TSPAN9: variants seen among roughly 807,000 people sequenced by gnomAD.
TSPAN9 encodes the protein tetraspanin 9.
TSPAN9 carries 16 observed loss-of-function variants against 31.0 expected under a neutral mutation model. The observed-to-expected ratio is 0.52, with a 90% CI of 0.35 to 0.78. The LOEUF is 0.78. Ranked by LOEUF, TSPAN9 falls within the 30% of genes least tolerant of loss-of-function variation. The probability of loss-of-function intolerance (pLI) is 0.01; values close to 1 mark genes in which losing one functional copy is unlikely to be tolerated. For synonymous variants in TSPAN9, 145 were observed against 121.6 expected (o/e 1.19, Z -1.27); for missense variants, 272 against 312.5 (o/e 0.87, Z 0.98).
intron 3 of TSPAN9, among the ~76,000 whole-genome samples, chr12:3,203,976 C>T: frequency 6.6e-6 from 1 of 152,108 alleles, no homozygotes. Flanking sequence ...ACATCAAAGG[C>T]AGGTGGGGTG....
At chr12:3,101,214 GT>G (rs1487084822) in intron 2 of TSPAN9, among the ~76,000 whole-genome samples, 1 of 152,194 alleles carries the variant, frequency 6.6e-6, no homozygotes, top group Non-Finnish European at 1.5e-5. Context: ...TCCAACATGT[GT>G]AGGATTGAGG....
chr12:3,258,915 C>T (rs1012426133), intron 3 of TSPAN9, among the ~76,000 whole-genome samples: 1 of 152,134 alleles, frequency 6.6e-6, no homozygotes, highest in Non-Finnish European at 1.5e-5. Context: ...AGGTGGGATC[C>T]TGAGATGAGA....
Position 3,160,193 on chromosome 12 carries a change from G to A in TSPAN9, c.-17-40984G>A, listed in dbSNP as rs182145294. Among the ~76,000 whole-genome samples the A allele has an allele frequency of 2.0e-5, 3 of 152,288 alleles. No individual in the cohort carries two copies. The East Asian group carries it at 5.8e-4, about 29-fold the overall frequency. The stretch of plus-strand genomic sequence containing the variant: ...TTTTAAATGGAATCATGTAATACGG[G>A]TTTTGATTTTTTTGTGATTGGCTTC... On this transcript the variant is annotated intron_variant, in intron 2 of 8. Coordinates refer to ENST00000011898, the MANE Select transcript of TSPAN9 (RefSeq NM_006675.5).
chr12:3,252,319 G>A (rs190214830), intron 3 of TSPAN9, among the ~76,000 whole-genome samples: 5 of 152,330 alleles, frequency 3.3e-5, no homozygotes, highest in Admixed American at 1.3e-4. Flanking sequence ...CTGGAATGGC[G>A]TTTAGAGGGT....
chr12:3,254,268 C>T (rs1862306195), intron 3 of TSPAN9, among the ~76,000 whole-genome samples: 1 of 152,202 alleles, frequency 6.6e-6, no homozygotes, highest in Non-Finnish European at 1.5e-5. Context: ...ACTCCAGCTT[C>T]TTTTCTGACC....
At chr12:3,220,751 G>T (rs1180647334) in intron 3 of TSPAN9, among the ~76,000 whole-genome samples, 1 of 151,910 alleles carries the variant, frequency 6.6e-6, no homozygotes, top group Non-Finnish European at 1.5e-5. Context: ...CTGTGCTGCC[G>T]GGGAAGAGTG....
chr12:3,198,866 C>T (rs368846276), intron 2 of TSPAN9, among the ~76,000 whole-genome samples: 49 of 132,346 alleles, frequency 3.7e-4, no homozygotes, highest in South Asian at 4.8e-4. Context: ...CCAGCACAGG[C>T]CACCACCAGC....
At chr12:3,085,486 C>T (rs928563409) in intron 2 of TSPAN9, among the ~76,000 whole-genome samples, 1 of 151,608 alleles carries the variant, frequency 6.6e-6, no homozygotes, top group Non-Finnish European at 1.5e-5. Context: ...GCAGACAGGA[C>T]GTTGATCCTC....
At chr12:3,091,477 C>T (rs2098304566) in intron 2 of TSPAN9, among the ~76,000 whole-genome samples, 1 of 152,214 alleles carries the variant, frequency 6.6e-6, no homozygotes, top group South Asian at 2.1e-4. Flanking sequence ...ATTAATGCAT[C>T]CCCAAACCCC....
chr12:3,171,123 C>T (rs545612978), intron 2 of TSPAN9, among the ~76,000 whole-genome samples: 4 of 152,278 alleles, frequency 2.6e-5, no homozygotes, highest in Admixed American at 6.5e-5. Flanking sequence ...CCTGTCCCGA[C>T]GCGCGCCGAG....
intron 2 of TSPAN9, among the ~76,000 whole-genome samples, chr12:3,089,507 G>T (rs1055304810): frequency 2.0e-5 from 3 of 151,804 alleles, no homozygotes; most frequent in Admixed American, 6.6e-5. Flanking sequence ...GTGTTGGCCA[G>T]GGTGGTCTCG....
intron 2 of TSPAN9, among the ~76,000 whole-genome samples, chr12:3,160,052 CCCCATA>C (rs553752227): frequency 2.8e-4 from 43 of 152,202 alleles, no homozygotes; most frequent in Non-Finnish European, 5.0e-4. Flanking sequence ...CAGAAAGAAA[CCCCATA>C]CCCACTGGAA....
At chr12:3,148,781 C>T (rs928870304) in intron 2 of TSPAN9, among the ~76,000 whole-genome samples, 6 of 152,200 alleles carry the variant, frequency 3.9e-5, no homozygotes, top group East Asian at 1.9e-4. Flanking sequence ...GCTGCCCAGG[C>T]GGGGGAGGGA....
intron 3 of TSPAN9, among the ~76,000 whole-genome samples, chr12:3,213,881 A>G (rs1479689436): frequency 6.6e-6 from 1 of 152,172 alleles, no homozygotes; most frequent in African/African-American, 2.4e-5. Flanking sequence ...AGCCTGCGGG[A>G]TCCTGGGGTG....
At chr12:3,258,725 A>G (rs918984207) in intron 3 of TSPAN9, among the ~76,000 whole-genome samples, 3 of 152,168 alleles carry the variant, frequency 2.0e-5, no homozygotes, top group South Asian at 2.1e-4. Context: ...CCGGCTCCCA[A>G]GATCTTCTCC....
chr12:3,277,608 G>A (rs1033256997), intron 3 of TSPAN9, among the ~76,000 whole-genome samples: 8 of 152,210 alleles, frequency 5.3e-5, no homozygotes, highest in Admixed American at 3.9e-4. Flanking sequence ...GGAGGGAGTC[G>A]GGGAGTGCCA....
chr12:3,135,987 C>T (rs185521465), intron 2 of TSPAN9, among the ~76,000 whole-genome samples: 66 of 152,278 alleles, frequency 4.3e-4, no homozygotes, highest in African/African-American at 1.5e-3. Context: ...GTCCAGAAGC[C>T]GAGACCCAGT....
intron 1 of TSPAN9, among the ~76,000 whole-genome samples, chr12:3,078,048 T>A (rs2098295986): frequency 6.6e-6 from 1 of 152,200 alleles, no homozygotes; most frequent in Non-Finnish European, 1.5e-5. Context: ...AGAAACCGGC[T>A]TGTTGTTGTA....
rs1476115879 is a variant in TSPAN9, at chr12:3,095,824, C to T, written c.-18+12105C>T. On this transcript the variant is annotated intron_variant, in intron 2 of 8. Coordinates refer to ENST00000011898, the MANE Select transcript of TSPAN9 (RefSeq NM_006675.5). Reference sequence around the variant, plus strand: ...CTCACTTCCTAGATGGGATGGCGGCCGGGCGGAGACGCTCCTCACTTTCCA... The same window carrying T: ...CTCACTTCCTAGATGGGATGGCGGCTGGGCGGAGACGCTCCTCACTTTCCA... Among the ~76,000 whole-genome samples the T allele has an allele frequency of 1.7e-3, 244 of 146,634 alleles. 1 individual carries two copies. The highest frequency in any genetic ancestry group is 5.9e-3 in the African/African-American group (232 of 39,202).
Sources: gnomAD v4.1 joint callset for allele counts (sites outside exome capture counted in the v4.1 genomes callset) on GRCh38, gnomAD v4.1.1 for gene constraint, MANE v1.5 for transcripts, NCBI Gene and HGNC (gene_info 2026-07-23, HGNC 2026-07-21) for gene names.